TGFA: variants seen among roughly 807,000 people sequenced by gnomAD.
TGFA encodes transforming growth factor alpha.
TGFA carries 12 observed loss-of-function variants against 21.7 expected under a neutral mutation model. The observed-to-expected ratio is 0.55, with a 90% confidence interval of 0.35 to 0.90. The LOEUF is 0.90. Ranked by LOEUF, TGFA falls within the 40% of genes least tolerant of loss-of-function variation. TGFA has a pLI of 0.01. For missense variants in TGFA, 178 were observed against 210.8 expected (o/e 0.84, Z 0.96); for synonymous variants, 79 against 88.1 (o/e 0.90, Z 0.58).
chr2:70,496,034 G>C (rs929673044), intron 2 of TGFA, among the ~76,000 whole-genome samples: 1 of 151,946 alleles, frequency 6.6e-6, no homozygotes, highest in African/African-American at 2.4e-5. Flanking sequence ...CCAACCAGAG[G>C]CTCCTGAGCA....
chr2:70,518,431 C>T (rs1672353086), intron 1 of TGFA, among the ~76,000 whole-genome samples: 1 of 152,204 alleles, frequency 6.6e-6, no homozygotes, highest in Admixed American at 6.5e-5. Flanking sequence ...TGTTGCCATG[C>T]TTATCGTTCA....
chr2:70,527,064 A>T (rs1463654300), intron 1 of TGFA, among the ~76,000 whole-genome samples: 1 of 152,242 alleles, frequency 6.6e-6, no homozygotes, highest in African/African-American at 2.4e-5. Flanking sequence ...AAAATCAAAC[A>T]CACCCTTATA....
At chr2:70,470,165 G>A (rs1670695117) in intron 2 of TGFA, among the ~76,000 whole-genome samples, 1 of 151,374 alleles carries the variant, frequency 6.6e-6, no homozygotes, top group Non-Finnish European at 1.5e-5. Flanking sequence ...AGAGAGAGAA[G>A]GAACAGAAGA....
intron 2 of TGFA, among the ~76,000 whole-genome samples, chr2:70,513,889 C>G (rs900096589): frequency 1.3e-5 from 2 of 152,206 alleles, no homozygotes; most frequent in African/African-American, 4.8e-5. Flanking sequence ...AGTTGTGGGA[C>G]TGGTGCACTC....
chr2:70,552,942 G>A lies in TGFA; in HGVS notation c.40+786C>T, dbSNP rs1304283508. Among the ~76,000 whole-genome samples the A allele has an allele frequency of 2.6e-5, 4 of 152,220 alleles. No homozygotes were observed. In the East Asian group the frequency reaches 7.7e-4, roughly 29 times the overall value. On this transcript the variant is annotated intron_variant, in intron 1 of 5. Transcript: ENST00000295400. ...GCGCGCGGCGCTGCGCCCTCACCGC[G>A]TCCAGACAGACCCTTGAACTTCACC...
At chr2:70,480,621 C>G (rs2103752437) in intron 2 of TGFA, among the ~76,000 whole-genome samples, 1 of 152,120 alleles carries the variant, frequency 6.6e-6, no homozygotes. Context: ...TATAACAGTG[C>G]CTCGCCACCC....
At chr2:70,457,108 G>A (rs548714335) in intron 3 of TGFA, among the ~76,000 whole-genome samples, 7 of 152,206 alleles carry the variant, frequency 4.6e-5, no homozygotes, top group African/African-American at 9.7e-5. Context: ...AAGCAAGGTC[G>A]TGTCTGAATG....
intron 1 of TGFA, among the ~76,000 whole-genome samples, chr2:70,541,331 C>T (rs1205088958): frequency 6.6e-6 from 1 of 152,180 alleles, no homozygotes; most frequent in East Asian, 1.9e-4. Context: ...TCCCCATATA[C>T]TGTAAGCGAA....
rs1262348856 is a variant in TGFA at position 70,448,261 on chromosome 2, G to A, written c.*2598C>T. On this transcript the variant is annotated 3_prime_UTR_variant, in exon 6 of 6. Coordinates refer to ENST00000295400, the MANE Select transcript of TGFA (RefSeq NM_003236.4). ...TGCTTAAAAAAAGTCACAGCCTGTA[G>A]AGCAGTGGGAAAAATCCAGGCTCCA... is the stretch of plus-strand genomic sequence containing the variant. The A allele has an allele frequency of 6.6e-6, 1 of 152,158 alleles. No individual in the cohort carries two copies. The highest frequency in any genetic ancestry group is 1.5e-5 in the Non-Finnish European group (1 of 68,022). The allele number at this position is 152,158 out of a possible 1,614,324, so 9.4% of individuals were successfully genotyped here.
In TGFA at chr2:70,520,445, C is replaced by T. The variant is rs187694753; in HGVS notation, c.41-5533G>A. On this transcript the variant is annotated intron_variant, in intron 1 of 5. Coordinates refer to ENST00000295400, the MANE Select transcript of TGFA (RefSeq NM_003236.4). ...AGGAGAATTGTTTGAACCTGGGAGG[C>T]GGAGATTGCAGGGAGCCAAGATTGT... Among the ~76,000 whole-genome samples the T allele has an allele frequency of 3.8e-3, 570 of 151,438 alleles. 2 individuals carry two copies. The highest frequency in any genetic ancestry group is 6.8e-3 in the Middle Eastern group (2 of 292).
intron 1 of TGFA, among the ~76,000 whole-genome samples, chr2:70,538,372 C>A (rs1229317390): frequency 6.6e-6 from 1 of 152,144 alleles, no homozygotes; most frequent in African/African-American, 2.4e-5. Context: ...AATGCTATTG[C>A]TGCCACAGAT....
intron 2 of TGFA, among the ~76,000 whole-genome samples, chr2:70,504,611 T>G (rs1439331137): frequency 6.6e-6 from 1 of 151,670 alleles, no homozygotes; most frequent in Non-Finnish European, 1.5e-5. Flanking sequence ...TATGTATACA[T>G]GTGCACATTC....
chr2:70,452,791 A>C (rs1553489854), intron 5 of TGFA, among the ~76,000 whole-genome samples: 1 of 151,918 alleles, frequency 6.6e-6, no homozygotes, highest in East Asian at 1.9e-4. Context: ...AAAATACAAA[A>C]ATTTTCTGGG....
intron 5 of TGFA, chr2:70,451,841 G>C: frequency 1.5e-6 from 1 of 671,290 alleles, no homozygotes; most frequent in Non-Finnish European, 2.7e-6. Context: ...TGGGACCCAA[G>C]CAGGCTGTCA....
intron 1 of TGFA, among the ~76,000 whole-genome samples, chr2:70,528,641 CCTTG>C (rs1381835406): frequency 2.0e-5 from 3 of 152,174 alleles, no homozygotes; most frequent in Non-Finnish European, 4.4e-5. Flanking sequence ...GTGCAACTGG[CCTTG>C]CTTGTGTGGT....
chr2:70,458,292 C>T (rs1238527622), intron 3 of TGFA, among the ~76,000 whole-genome samples: 1 of 152,150 alleles, frequency 6.6e-6, no homozygotes, highest in African/African-American at 2.4e-5. Flanking sequence ...ATCCATATCT[C>T]AAGAAAATCC....
intron 5 of TGFA, among the ~76,000 whole-genome samples, chr2:70,451,997 G>A (rs565337003): frequency 6.6e-6 from 1 of 152,292 alleles, no homozygotes; most frequent in Non-Finnish European, 1.5e-5. Flanking sequence ...TACTGTGCAC[G>A]ATGACTATGG....
At chr2:70,546,651 T>C (rs868944247) in intron 1 of TGFA, among the ~76,000 whole-genome samples, 15 of 147,816 alleles carry the variant, frequency 1.0e-4, no homozygotes, top group South Asian at 4.2e-4. Context: ...TTTTTCTTTT[T>C]TCTTTTTTTT....
chr2:70,478,507 A>G (rs973352655), intron 2 of TGFA, among the ~76,000 whole-genome samples: 3 of 152,184 alleles, frequency 2.0e-5, no homozygotes, highest in Non-Finnish European at 2.9e-5. Flanking sequence ...CTGGAAAAAA[A>G]AAAAGCATGA....
Sources: allele counts gnomAD v4.1 joint callset (sites outside exome capture counted in the v4.1 genomes callset), GRCh38; gene constraint gnomAD v4.1.1; transcripts MANE v1.5; gene names NCBI Gene and HGNC (gene_info 2026-07-23, HGNC 2026-07-21).